Variants in ARID2 observed in about 807,000 individuals in gnomAD.
ARID2 encodes the protein AT-rich interaction domain 2.
Under a neutral mutation model 184.6 loss-of-function variants are expected in ARID2, and 32 were observed. The observed-to-expected ratio is 0.17, with a 90% CI of 0.13 to 0.23. The LOEUF (loss-of-function observed/expected upper bound fraction) is 0.23, where lower values mean the gene tolerates loss of function less well. Among genes scored for constraint, ARID2 ranks in the 10% least tolerant of loss-of-function variants. ARID2 has a pLI of 1.00. For missense variants in ARID2, 1,696 were observed against 2,197.6 expected, an observed-to-expected ratio of 0.77 and a Z score of 4.56; for synonymous variants, 836 against 772.6, an observed-to-expected ratio of 1.08 and a Z score of -1.36.
In ARID2 at chr12:45,788,306, C is replaced by T. The variant is rs1030497516; in HGVS notation, c.285-23112C>T. ...AGTACACAGTCTTCTTTACAACAAA[C>T]CGATTAGGTAGATATTGTGTCTGTT... is the stretch of plus-strand genomic sequence containing the variant. On this transcript the variant is annotated intron_variant, in intron 3 of 20. Coordinates refer to ENST00000334344, the MANE Select transcript of ARID2 (RefSeq NM_152641.4). 2.6e-5 allele frequency among the ~76,000 whole-genome samples: 4 copies of T among 152,008 alleles called. No individual in the cohort carries two copies. The South Asian group carries it at 8.3e-4, about 32-fold the overall frequency.
intron 3 of ARID2, among the ~76,000 whole-genome samples, chr12:45,793,543 CTGTGTG>C (rs544399975): frequency 4.7e-5 from 7 of 148,114 alleles, no homozygotes; most frequent in Non-Finnish European, 7.5e-5. Context: ...CTTTATGTAA[CTGTGTG>C]TGTGTGTGTG....
At chr12:45,769,712 A>G (rs2138022035) in intron 3 of ARID2, among the ~76,000 whole-genome samples, 1 of 152,378 alleles carries the variant, frequency 6.6e-6, no homozygotes, top group East Asian at 1.9e-4. Flanking sequence ...AGTGAACTCC[A>G]AGTGAATAAA....
rs2138181003 is a variant in ARID2 at position 45,852,739 on chromosome 12, T to A, written c.4616T>A (p.Val1539Asp). The change falls in exon 15 of 21, where the codon GTT becomes GAT. Residue 1539 changes from valine to aspartate, a missense_variant. Val to Asp is a radical substitution (Grantham distance 152). Coordinates refer to ENST00000334344, the MANE Select transcript of ARID2 (RefSeq NM_152641.4). The part of the protein sequence containing the change: ...GIPNKVGVRI[V>D]TISDPNNAGC... ...CCAAATAAAGTAGGAGTTAGAATTG[T>A]TACAATCAGTGACCCCAACAATGCT... 1.2e-6 allele frequency: 2 copies of A among 1,614,160 alleles called. No homozygotes were observed. The highest frequency in any genetic ancestry group is 1.7e-6 in the Non-Finnish European group (2 of 1,180,014).
intron 6 of ARID2, 57 bp downstream of exon 6, chr12:45,821,544 A>G (rs1211411874): frequency 9.0e-7 from 1 of 1,108,938 alleles, no homozygotes; most frequent in Non-Finnish European, 1.2e-6. Context: ...TAAGCCAACA[A>G]TAGATCAGTG....
At chr12:45,865,545 T>G (rs1943818638) in intron 16 of ARID2, among the ~76,000 whole-genome samples, 1 of 152,130 alleles carries the variant, frequency 6.6e-6, no homozygotes, top group South Asian at 2.1e-4. Context: ...TTTATTAGGT[T>G]TTTCATTATT....
intron 3 of ARID2, among the ~76,000 whole-genome samples, chr12:45,808,942 T>C (rs1002637115): frequency 2.6e-5 from 4 of 152,046 alleles, no homozygotes; most frequent in African/African-American, 9.7e-5. Flanking sequence ...TTTTTGTATT[T>C]CTTAGTAGAG....
chr12:45,791,157 C>G (rs1942283729), intron 3 of ARID2, among the ~76,000 whole-genome samples: 1 of 152,024 alleles, frequency 6.6e-6, no homozygotes, highest in African/African-American at 2.4e-5. Context: ...TTTCCACCAG[C>G]AGTGCACAAG....
At chr12:45,854,012 A>G (rs1447717129) in intron 15 of ARID2, among the ~76,000 whole-genome samples, 1 of 152,218 alleles carries the variant, frequency 6.6e-6, no homozygotes, top group African/African-American at 2.4e-5. Context: ...GCCGCTTCCC[A>G]TCACTCACGT....
At chr12:45,800,362 G>C (rs1942474135) in intron 3 of ARID2, among the ~76,000 whole-genome samples, 1 of 152,094 alleles carries the variant, frequency 6.6e-6, no homozygotes, top group Non-Finnish European at 1.5e-5. Context: ...TTTACTTTAG[G>C]ATTGAGCAAA....
intron 3 of ARID2, among the ~76,000 whole-genome samples, chr12:45,786,942 TC>T (rs1203132279): frequency 6.6e-6 from 1 of 152,174 alleles, no homozygotes; most frequent in Non-Finnish European, 1.5e-5. Flanking sequence ...AAGGTCACAC[TC>T]ATAAAACAAA....
At chr12:45,768,663 A>G (rs778549914) in intron 3 of ARID2, among the ~76,000 whole-genome samples, 12 of 152,182 alleles carry the variant, frequency 7.9e-5, no homozygotes, top group Non-Finnish European at 1.5e-4. Flanking sequence ...GTGGAGATAA[A>G]TAAACTGTAG....
intron 2 of ARID2, among the ~76,000 whole-genome samples, chr12:45,730,793 G>A (rs930203836): frequency 2.0e-5 from 3 of 151,998 alleles, no homozygotes; most frequent in Middle Eastern, 3.2e-3. Flanking sequence ...ATCTGGGAGA[G>A]GGATCGGAAT....
At chr12:45,800,910 A>G (rs569019311) in intron 3 of ARID2, among the ~76,000 whole-genome samples, 1 of 152,220 alleles carries the variant, frequency 6.6e-6, no homozygotes. Flanking sequence ...TGTAATACCC[A>G]TGAAGTAAGA....
chr12:45,745,457 A>G (rs1374662105), intron 3 of ARID2, among the ~76,000 whole-genome samples: 2 of 152,184 alleles, frequency 1.3e-5, no homozygotes, highest in Non-Finnish European at 1.5e-5. Context: ...TCAGATCTGC[A>G]TTTATTACAC....
intron 3 of ARID2, among the ~76,000 whole-genome samples, chr12:45,748,605 C>A (rs1349588231): frequency 6.6e-6 from 1 of 152,148 alleles, no homozygotes; most frequent in African/African-American, 2.4e-5. Flanking sequence ...CTCTTTCTTT[C>A]ACGAGAGGTT....
At chr12:45,877,198 G>A (rs971015897) in intron 16 of ARID2, among the ~76,000 whole-genome samples, 1 of 152,132 alleles carries the variant, frequency 6.6e-6, no homozygotes, top group African/African-American at 2.4e-5. Context: ...GGCCTGTTAG[G>A]AACCAGGCTG....
At chr12:45,760,148 A>G (rs564315622) in intron 3 of ARID2, among the ~76,000 whole-genome samples, 4 of 152,296 alleles carry the variant, frequency 2.6e-5, no homozygotes, top group African/African-American at 4.8e-5. Flanking sequence ...ATTTCCAGAT[A>G]TAATATTTTT....
Position 45,905,854 on chromosome 12 carries a change from T to C in ARID2, c.*776T>C, listed in dbSNP as rs1016576599. On this transcript the variant is annotated 3_prime_UTR_variant, in exon 21 of 21. Coordinates refer to ENST00000334344, the MANE Select transcript of ARID2 (RefSeq NM_152641.4). ...ATTCTATGCAGTGGATGAATGTTCT[T>C]TAAATTTGTGTAAATACTTCTGCAA... 4.3e-6 allele frequency: 1 copy of C among 232,962 alleles called. No homozygotes were observed. The highest frequency in any genetic ancestry group is 2.2e-5 in the African/African-American group (1 of 45,322). The allele number at this position is 232,962 out of a possible 1,614,324, so 14.4% of individuals were successfully genotyped here.
intron 3 of ARID2, among the ~76,000 whole-genome samples, chr12:45,778,780 T>C (rs968879964): frequency 6.6e-6 from 1 of 151,970 alleles, no homozygotes; most frequent in Non-Finnish European, 1.5e-5. Context: ...CTTTGGAAAA[T>C]AATGGGCTGT....
Sources: gnomAD v4.1 joint callset for allele counts (sites outside exome capture counted in the v4.1 genomes callset) on GRCh38, gnomAD v4.1.1 for gene constraint, MANE v1.5 for transcripts, NCBI Gene and HGNC (gene_info 2026-07-23, HGNC 2026-07-21) for gene names.